Variants in MYRIP observed in about 807,000 individuals in gnomAD.
MYRIP encodes rab effector MyRIP.
In MYRIP, 49 loss-of-function variants were observed where a neutral mutation model predicts 98.0. The ratio of observed to expected loss-of-function variants is 0.50; its 90% CI spans 0.40 to 0.63. The LOEUF (loss-of-function observed/expected upper bound fraction) is 0.63, where lower values mean the gene tolerates loss of function less well. Among genes scored for constraint, MYRIP ranks in the 30% least tolerant of loss-of-function variants. The pLI is 0.00. For synonymous variants in MYRIP, 404 were observed against 409.5 expected (o/e 0.99, Z 0.16); for missense variants, 1,004 against 1,058.2 (o/e 0.95, Z 0.71).
At position 40,244,468 on chromosome 3, in the gene MYRIP, T is replaced by C. The variant is rs367964209; in HGVS notation, c.2123T>C (p.Val708Ala). 1 of 1,613,704 alleles carries C rather than the reference T, an allele frequency of 6.2e-7. No homozygotes were observed. The change falls in exon 13 of 17, where the codon GTG becomes GCG. Residue 708 changes from valine (V) to alanine (A), a missense_variant. Around this residue, in one of 3 missense-constraint regions of MYRIP, gnomAD observed 880 missense variants for 907.7 expected, o/e 0.97. Coordinates refer to ENST00000302541, the MANE Select transcript of MYRIP (RefSeq NM_015460.4). ...CAGGTATACCTGGCAGCAGGCACTG[T>C]GTATGGACTGGAGACCCAGCTGACT... ...EENVYLAAGT[V>A]YGLETQLTEL... is the part of the protein sequence containing the mutation.
chr3:40,095,107 A>C (rs1948801349), intron 3 of MYRIP, among the ~76,000 whole-genome samples: 1 of 152,160 alleles, frequency 6.6e-6, no homozygotes. Flanking sequence ...CCCGAGAGCA[A>C]GAGTTGGGGG....
chr3:39,983,608 G>A (rs920847804), intron 2 of MYRIP, among the ~76,000 whole-genome samples: 2 of 152,188 alleles, frequency 1.3e-5, no homozygotes, highest in African/African-American at 4.8e-5. Flanking sequence ...TGGGGGTACA[G>A]CGGTAAGCCA....
intron 2 of MYRIP, among the ~76,000 whole-genome samples, chr3:39,996,263 T>A (rs1158566558): frequency 6.6e-6 from 1 of 152,162 alleles, no homozygotes; most frequent in Admixed American, 6.5e-5. Context: ...TCAAGACCCA[T>A]CTGTGTGCTG....
chr3:39,874,635 G>C (rs940179209), intron 1 of MYRIP, among the ~76,000 whole-genome samples: 3 of 152,044 alleles, frequency 2.0e-5, no homozygotes, highest in African/African-American at 7.2e-5. Flanking sequence ...TTATATGCTG[G>C]ATTACATTTA....
At chr3:40,212,727 A>C (rs1444915630) in intron 11 of MYRIP, among the ~76,000 whole-genome samples, 2 of 152,150 alleles carry the variant, frequency 1.3e-5, no homozygotes, top group African/African-American at 4.8e-5. Flanking sequence ...CCTGGGTGAC[A>C]GAGTGAGACC....
intron 1 of MYRIP, among the ~76,000 whole-genome samples, chr3:39,836,761 G>A (rs1178681266): frequency 1.3e-5 from 2 of 152,290 alleles, no homozygotes; most frequent in South Asian, 4.1e-4. Flanking sequence ...ATTTAGTATA[G>A]AATTAACAAC....
At chr3:39,961,180 G>A (rs372009071) in intron 2 of MYRIP, among the ~76,000 whole-genome samples, 4 of 152,166 alleles carry the variant, frequency 2.6e-5, no homozygotes, top group Admixed American at 6.6e-5. Flanking sequence ...GTCAAGGACC[G>A]TATTTCCCAC....
Position 40,223,010 on chromosome 3 carries a change from T to C in MYRIP, c.1906-10849T>C, listed in dbSNP as rs7643521. Among the ~76,000 whole-genome samples, 945 of 152,208 alleles carry C rather than the reference T, an allele frequency of 6.2e-3. 13 individuals carry two copies. The highest frequency in any genetic ancestry group is 0.021 in the African/African-American group (889 of 41,536). On this transcript the variant is annotated intron_variant, in intron 11 of 16. Transcript: ENST00000302541. ...AAATCTACATATGAATTTCAAACCATTGAGGGGATGGGGCATAGAATGGAA... is the reference window on the plus strand; with the variant it reads ...AAATCTACATATGAATTTCAAACCACTGAGGGGATGGGGCATAGAATGGAA...
At chr3:40,242,855 T>C (rs1170361056) in intron 12 of MYRIP, among the ~76,000 whole-genome samples, 4 of 152,120 alleles carry the variant, frequency 2.6e-5, no homozygotes, top group Non-Finnish European at 5.9e-5. Flanking sequence ...CCCCAATTAT[T>C]TTTTTACCCT....
chr3:40,028,365 C>G (rs1366933838), intron 2 of MYRIP, among the ~76,000 whole-genome samples: 1 of 152,164 alleles, frequency 6.6e-6, no homozygotes, highest in Non-Finnish European at 1.5e-5. Context: ...TTCACACCCC[C>G]TGTTACCCAG....
intron 3 of MYRIP, among the ~76,000 whole-genome samples, chr3:40,107,913 A>G (rs555649527): frequency 4.6e-5 from 7 of 152,352 alleles, no homozygotes; most frequent in Middle Eastern, 3.4e-3. Flanking sequence ...GCATTCTGCT[A>G]TTATCCCAAG....
intron 1 of MYRIP, among the ~76,000 whole-genome samples, chr3:39,886,190 A>G (rs1471310066): frequency 6.6e-6 from 1 of 151,890 alleles, no homozygotes; most frequent in Non-Finnish European, 1.5e-5. Context: ...TGAAGGAAGC[A>G]CTAAACATGG....
chr3:39,960,868 A>C (rs1179389620), intron 2 of MYRIP, among the ~76,000 whole-genome samples: 1 of 152,104 alleles, frequency 6.6e-6, no homozygotes, highest in South Asian at 2.1e-4. Context: ...TGTACACTGG[A>C]TCTTCCTTCT....
At chr3:40,202,644 G>A (rs1377865638) in intron 10 of MYRIP, among the ~76,000 whole-genome samples, 3 of 152,130 alleles carry the variant, frequency 2.0e-5, no homozygotes, top group African/African-American at 7.2e-5. Flanking sequence ...GGAGCATCCA[G>A]TCTTGTTTTG....
chr3:40,196,194 C>G (rs938245326), intron 10 of MYRIP, among the ~76,000 whole-genome samples: 2 of 151,772 alleles, frequency 1.3e-5, no homozygotes, highest in African/African-American at 4.8e-5. Context: ...CCAGCTGTTA[C>G]TTTCATTCAT....
chr3:40,230,535 A>C (rs1431795909), intron 11 of MYRIP, among the ~76,000 whole-genome samples: 1 of 152,238 alleles, frequency 6.6e-6, no homozygotes, highest in Non-Finnish European at 1.5e-5. Context: ...TCTTTCACTG[A>C]CCAGTGAGCA....
intron 8 of MYRIP, chr3:40,173,060 G>A (rs945964130): frequency 2.6e-5 from 4 of 152,214 alleles, no homozygotes; most frequent in African/African-American, 4.8e-5. Flanking sequence ...GGTATGGGAA[G>A]GGGGTCATCA....
intron 2 of MYRIP, among the ~76,000 whole-genome samples, chr3:39,950,129 G>A (rs1216889765): frequency 6.6e-6 from 1 of 151,908 alleles, no homozygotes; most frequent in Non-Finnish European, 1.5e-5. Context: ...TGTCTTTAGG[G>A]TATGTTTTTC....
intron 3 of MYRIP, among the ~76,000 whole-genome samples, chr3:40,083,068 AG>A (rs1308515587): frequency 6.6e-6 from 1 of 152,240 alleles, no homozygotes; most frequent in African/African-American, 2.4e-5. Flanking sequence ...GGGAGCTCAC[AG>A]GAATTTAGTC....
Sources: allele counts gnomAD v4.1 joint callset (sites outside exome capture counted in the v4.1 genomes callset), GRCh38; gene constraint gnomAD v4.1.1; regional missense constraint gnomAD v4.1.1; transcripts MANE v1.5; gene names NCBI Gene and HGNC (gene_info 2026-07-23, HGNC 2026-07-21).